Variants in MTARC2 observed in about 807,000 individuals in gnomAD.
MTARC2 encodes the protein mitochondrial amidoxime reducing component 2.
MTARC2 carries 27 observed loss-of-function variants against 35.6 expected under a neutral mutation model. The observed-to-expected ratio is 0.76, with a 90% CI of 0.56 to 1.04. The LOEUF is 1.04. Among genes scored for constraint, MTARC2 ranks in the 50% least tolerant of loss-of-function variants. The pLI is 0.00. For synonymous variants in MTARC2, 158 were observed against 167.1 expected, an observed-to-expected ratio of 0.95 and a Z score of 0.42; for missense variants, 412 against 432.5, an observed-to-expected ratio of 0.95 and a Z score of 0.42.
intron 2 of MTARC2, 59 bp from the exon 3 acceptor site, chr1:220,761,599 C>A: frequency 6.6e-7 from 1 of 1,506,676 alleles, no homozygotes; most frequent in Non-Finnish European, 8.9e-7. Flanking sequence ...ATTTTTGACA[C>A]CATCCCTCAG....
chr1:220,768,956 G>C (rs1671657333), intron 4 of MTARC2, among the ~76,000 whole-genome samples: 1 of 152,174 alleles, frequency 6.6e-6, no homozygotes, highest in Non-Finnish European at 1.5e-5. Context: ...ACTCCAGCAA[G>C]AGTCTTGGAT....
At chr1:220,750,850 C>A (rs1385798315) in intron 1 of MTARC2, among the ~76,000 whole-genome samples, 1 of 152,142 alleles carries the variant, frequency 6.6e-6, no homozygotes, top group Admixed American at 6.5e-5. Context: ...GAGTACAGAA[C>A]TTATGCTGTT....
In MTARC2 at chr1:220,763,061, C is replaced by T. The variant is rs1242195956; in HGVS notation, c.750+11C>T. The T allele has an allele frequency of 3.1e-6, 5 of 1,614,102 alleles. No homozygotes were observed. The highest frequency in any genetic ancestry group is 4.2e-6 in the Non-Finnish European group (5 of 1,180,014). ...GATGCTTTTGAGGAGGTAAGCGACCCACTGCTTTTGTGCATCATGCTCAGA... is the reference window on the plus strand; with the variant it reads ...GATGCTTTTGAGGAGGTAAGCGACCTACTGCTTTTGTGCATCATGCTCAGA... On this transcript the variant is annotated intron_variant, in intron 4 of 7. Transcript: ENST00000366913.
At chr1:220,774,806 T>C (rs1013537819) in intron 4 of MTARC2, among the ~76,000 whole-genome samples, 2 of 152,156 alleles carry the variant, frequency 1.3e-5, no homozygotes, top group African/African-American at 4.8e-5. Context: ...TTGGCCTCCA[T>C]TCTCACCTGA....
Position 220,781,866 on chromosome 1 carries a change from CT to C in MTARC2, c.974del (p.Leu325ArgfsTer15). ...IYYSVEKIGS[L>X]RVGDPVYRMV ...TTATTCAGTGGAAAAAATTGGAAGC[CT>C]GAGAGTTGGTGACCCTGTGTATCGG... On this transcript the variant is annotated frameshift_variant, in exon 7 of 8. Coordinates refer to ENST00000366913, the MANE Select transcript of MTARC2 (RefSeq NM_017898.5). LOFTEE classifies it high-confidence loss of function. 6.2e-7 allele frequency: 1 copy of C among 1,614,118 alleles called. No homozygotes were observed. Among genetic ancestry groups the C allele is most frequent in the South Asian group, 1.1e-5 (1 of 91,078 alleles).
intron 2 of MTARC2, among the ~76,000 whole-genome samples, chr1:220,759,617 G>A (rs1163119619): frequency 1.3e-5 from 2 of 152,118 alleles, no homozygotes; most frequent in Middle Eastern, 3.2e-3. Context: ...GTGCACTTAT[G>A]TACAAGTGCT....
At chr1:220,750,130 C>A (rs1671090968) in intron 1 of MTARC2, among the ~76,000 whole-genome samples, 1 of 152,242 alleles carries the variant, frequency 6.6e-6, no homozygotes, top group East Asian at 1.9e-4. Flanking sequence ...AAATCTCCCC[C>A]TGGTGATTTT....
intron 1 of MTARC2, among the ~76,000 whole-genome samples, chr1:220,750,816 G>A (rs1258916991): frequency 6.6e-6 from 1 of 152,176 alleles, no homozygotes; most frequent in Non-Finnish European, 1.5e-5. Context: ...TGTGTGCTGT[G>A]GGGATGTGAA....
At chr1:220,770,630 C>T in intron 4 of MTARC2, 1 of 908,746 alleles carries the variant, frequency 1.1e-6, no homozygotes, top group Non-Finnish European at 1.3e-6. Context: ...GGCTGTGAGT[C>T]ACTGCATGGA....
In MTARC2 at chr1:220,754,992, A is replaced by G. The variant is rs12048193; in HGVS notation, c.318A>G (p.Arg106=). The G allele has an allele frequency of 7.1e-3, 11,509 of 1,611,412 alleles. 185 individuals are homozygous for G. Among genetic ancestry groups the G allele is most frequent in the East Asian group, 0.059 (2,638 of 44,688 alleles). Residue 106 remains arginine, a synonymous_variant, in exon 2 of 8, where the codon CGA becomes CGG. Transcript: ENST00000366913. Reference sequence around the variant, plus strand: ...AAGATGGACACATGGTCACTGCCCGACAGGAGCCTCGCCTCGTGCTCATCT... The same window carrying G: ...AAGATGGACACATGGTCACTGCCCGGCAGGAGCCTCGCCTCGTGCTCATCT... ...IKEDGHMVTA[R]QEPRLVLISI... is the part of the protein sequence containing the mutation.
At chr1:220,776,467 AT>A (rs1252622511) in intron 4 of MTARC2, among the ~76,000 whole-genome samples, 3 of 152,138 alleles carry the variant, frequency 2.0e-5, no homozygotes, top group Admixed American at 6.5e-5. Context: ...TGAATTAATA[AT>A]TGCATTTAAA....
chr1:220,775,819 G>A (rs980204211), intron 4 of MTARC2, among the ~76,000 whole-genome samples: 1 of 151,828 alleles, frequency 6.6e-6, no homozygotes, highest in South Asian at 2.1e-4. Context: ...CAGAATAATG[G>A]CCTCCAGCTC....
At chr1:220,749,579 C>T (rs184562048) in intron 1 of MTARC2, among the ~76,000 whole-genome samples, 291 of 152,038 alleles carry the variant, frequency 1.9e-3, no homozygotes, top group African/African-American at 6.4e-3. Context: ...TACAGGTGTG[C>T]GCCACCACGC....
intron 1 of MTARC2, chr1:220,754,263 A>G (rs1671216254): frequency 2.2e-6 from 1 of 454,566 alleles, no homozygotes; most frequent in South Asian, 1.6e-5. Flanking sequence ...CATCCCATAG[A>G]AATACAAAGT....
At chr1:220,762,112 G>A (rs887057002) in intron 3 of MTARC2, among the ~76,000 whole-genome samples, 1 of 152,186 alleles carries the variant, frequency 6.6e-6, no homozygotes, top group African/African-American at 2.4e-5. Flanking sequence ...AGATGCAAGA[G>A]AAAACTGGCT....
chr1:220,754,855 G>A, intron 1 of MTARC2, 92 bp from the exon 2 acceptor site: 1 of 1,189,086 alleles, frequency 8.4e-7, no homozygotes, highest in Non-Finnish European at 1.2e-6. Flanking sequence ...GACGGGGTGG[G>A]TGGAGAGTTC....
At chr1:220,755,822 A>G (rs188288051) in intron 2 of MTARC2, among the ~76,000 whole-genome samples, 1 of 152,364 alleles carries the variant, frequency 6.6e-6, no homozygotes, top group East Asian at 1.9e-4. Flanking sequence ...TAAAACATGC[A>G]GAAAATTAAA....
At chr1:220,755,650 A>C (rs1023343735) in intron 2 of MTARC2, among the ~76,000 whole-genome samples, 1 of 152,096 alleles carries the variant, frequency 6.6e-6, no homozygotes, top group African/African-American at 2.4e-5. Flanking sequence ...CCCGGCATGT[A>C]AGCACCAAAT....
chr1:220,769,393 C>T (rs1013398774), intron 4 of MTARC2, among the ~76,000 whole-genome samples: 1 of 152,194 alleles, frequency 6.6e-6, no homozygotes, highest in South Asian at 2.1e-4. Flanking sequence ...CTGCCTGGGC[C>T]GGTGGGTCCC....
Sources: allele counts gnomAD v4.1 joint callset (sites outside exome capture counted in the v4.1 genomes callset), GRCh38; gene constraint gnomAD v4.1.1; transcripts MANE v1.5; gene names NCBI Gene and HGNC (gene_info 2026-07-23, HGNC 2026-07-21).